DCP1B: variants seen among roughly 807,000 people sequenced by gnomAD.
DCP1B encodes the protein mRNA-decapping enzyme 1B.
DCP1B carries 47 observed loss-of-function variants against 60.5 expected under a neutral mutation model. The ratio of observed to expected loss-of-function variants is 0.78; its 90% confidence interval spans 0.61 to 0.99. DCP1B has a LOEUF of 0.99. DCP1B is among the 50% of genes least tolerant of loss of function. DCP1B has a pLI of 0.00. For synonymous variants in DCP1B, 267 were observed against 280.3 expected (o/e 0.95, Z 0.47); for missense variants, 725 against 756.8 (o/e 0.96, Z 0.49).
chr12:1,986,122 A>G (rs2037694793), intron 3 of DCP1B, among the ~76,000 whole-genome samples: 1 of 152,048 alleles, frequency 6.6e-6, no homozygotes, highest in Non-Finnish European at 1.5e-5. Context: ...CGTCAGTTCT[A>G]TTTTCAAAGG....
At chr12:1,996,127 T>C (rs1165762997) in intron 2 of DCP1B, among the ~76,000 whole-genome samples, 2 of 152,202 alleles carry the variant, frequency 1.3e-5, no homozygotes, top group African/African-American at 4.8e-5. Context: ...CATCATTTCA[T>C]ATCTACCCCA....
chr12:1,997,934 C>A lies in DCP1B; in HGVS notation c.191+1G>T. On this transcript the variant is annotated splice_donor_variant, in intron 2 of 8. Transcript: ENST00000280665. LOFTEE classifies it high-confidence loss of function. ...TCTTTATAAAAGTGAAACACTCTTA[C>A]CTTGTATAAACAAATAAGGTTCCTT... 1 of 1,605,784 alleles carries A rather than the reference C, an allele frequency of 6.2e-7. No homozygotes were observed. Among genetic ancestry groups the A allele is most frequent in the Non-Finnish European group, 8.5e-7 (1 of 1,176,244 alleles).
intron 1 of DCP1B, 103 bp from the exon 2 acceptor site, chr12:1,998,078 G>T: frequency 1.1e-6 from 1 of 943,702 alleles, no homozygotes; most frequent in Non-Finnish European, 1.6e-6. Flanking sequence ...AACTTCAATG[G>T]GCCAAATATA....
At chr12:1,998,978 A>G (rs2041564954) in intron 1 of DCP1B, among the ~76,000 whole-genome samples, 1 of 152,246 alleles carries the variant, frequency 6.6e-6, no homozygotes, top group African/African-American at 2.4e-5. Flanking sequence ...GCAGTTTTTA[A>G]AAGGCACACA....
At chr12:1,956,706 G>A (rs980396620) in intron 5 of DCP1B, among the ~76,000 whole-genome samples, 13 of 152,128 alleles carry the variant, frequency 8.5e-5, no homozygotes, top group African/African-American at 2.9e-4. Flanking sequence ...GGACCAACTG[G>A]CATGGCTTTC....
At chr12:2,002,568 G>GT (rs1174412276) in intron 1 of DCP1B, among the ~76,000 whole-genome samples, 1 of 152,116 alleles carries the variant, frequency 6.6e-6, no homozygotes, top group Non-Finnish European at 1.5e-5. Flanking sequence ...TCTTAAAAAG[G>GT]TATCTATCAC....
At chr12:1,967,216 T>C (rs1257212396) in intron 4 of DCP1B, among the ~76,000 whole-genome samples, 21 of 152,250 alleles carry the variant, frequency 1.4e-4, no homozygotes, top group Admixed American at 1.4e-3. Context: ...AATTTTAAAG[T>C]TGCCCAAAAT....
intron 3 of DCP1B, among the ~76,000 whole-genome samples, chr12:1,981,889 G>T (rs562038398): frequency 2.6e-5 from 4 of 152,264 alleles, no homozygotes; most frequent in Admixed American, 2.6e-4. Context: ...ATATTTAAAA[G>T]CATGCAGGTA....
intron 5 of DCP1B, among the ~76,000 whole-genome samples, chr12:1,959,059 C>A (rs2031021695): frequency 6.7e-6 from 1 of 149,070 alleles, no homozygotes; most frequent in Non-Finnish European, 1.5e-5. Context: ...TGGGCAATGA[C>A]TTTTTCTATA....
At chr12:1,991,122 T>C (rs1242267688) in intron 3 of DCP1B, 2 of 456,120 alleles carry the variant, frequency 4.4e-6, no homozygotes, top group African/African-American at 4.0e-5. Context: ...AAAGGCTACC[T>C]TTAATTTGCA....
intron 3 of DCP1B, among the ~76,000 whole-genome samples, chr12:1,979,107 C>T (rs2035324688): frequency 6.6e-6 from 1 of 151,576 alleles, no homozygotes; most frequent in Admixed American, 6.6e-5. Context: ...CCGCCTCCCG[C>T]GTTCAAGAAA....
At chr12:1,998,989 AG>A (rs1184605660) in intron 1 of DCP1B, among the ~76,000 whole-genome samples, 1 of 152,234 alleles carries the variant, frequency 6.6e-6, no homozygotes, top group East Asian at 1.9e-4. Context: ...AAGGCACACA[AG>A]GCATGATCCT....
intron 6 of DCP1B, among the ~76,000 whole-genome samples, chr12:1,953,623 C>G (rs911744689): frequency 3.3e-5 from 5 of 152,044 alleles, no homozygotes; most frequent in Non-Finnish European, 5.9e-5. Flanking sequence ...ACAATCTGTT[C>G]AATAGGAAGC....
chr12:1,993,051 TATC>T, intron 3 of DCP1B: 1 of 704,528 alleles, frequency 1.4e-6, no homozygotes, highest in Admixed American at 2.2e-5. Flanking sequence ...TTTAGGTTTA[TATC>T]ATCATATTTA....
At chr12:1,991,920 C>T (rs751287530) in intron 3 of DCP1B, 3 of 167,864 alleles carry the variant, frequency 1.8e-5, no homozygotes, top group Non-Finnish European at 3.9e-5. Flanking sequence ...TTACAGGTAA[C>T]TTTGTAGTTA....
At chr12:1,947,343 A>C (rs994661984) in intron 8 of DCP1B, among the ~76,000 whole-genome samples, 8 of 152,174 alleles carry the variant, frequency 5.3e-5, no homozygotes, top group Admixed American at 2.6e-4. Flanking sequence ...CATCATTCTC[A>C]TGCAATGAAG....
chr12:1,958,572 GA>G (rs2030992080), intron 5 of DCP1B, among the ~76,000 whole-genome samples: 1 of 149,498 alleles, frequency 6.7e-6, no homozygotes, highest in Admixed American at 6.6e-5. Flanking sequence ...GAAGACAGGG[GA>G]AAAGCTCCCT....
chr12:1,949,193 C>A lies in DCP1B; in HGVS notation c.1666G>T (p.Ala556Ser), dbSNP rs1319901939. The change falls in exon 8 of 9, where the codon GCT becomes TCT. Residue 556 changes from alanine to serine, a missense_variant. Ala to Ser is a moderately conservative substitution (Grantham distance 99). Coordinates refer to ENST00000280665, the MANE Select transcript of DCP1B (RefSeq NM_152640.5). ...ATGGGCAGGAGGAGGCTGGTGGCAG[C>A]AGCAGGTGGCTCCTGGCCTCCCACA... is the stretch of plus-strand genomic sequence containing the variant. ...LPVGGQEPPA[A>S]ATSLLLPIQS... The A allele has an allele frequency of 6.2e-7, 1 of 1,614,174 alleles. No homozygotes were observed. The highest frequency in any genetic ancestry group is 1.7e-5 in the Admixed American group (1 of 60,020).
At chr12:1,956,653 G>T (rs777970567) in intron 5 of DCP1B, among the ~76,000 whole-genome samples, 13 of 152,142 alleles carry the variant, frequency 8.5e-5, no homozygotes, top group Non-Finnish European at 1.6e-4. Context: ...GTCATAAAGT[G>T]TTACTTCCAA....
Sources: allele counts gnomAD v4.1 joint callset (sites outside exome capture counted in the v4.1 genomes callset), GRCh38; gene constraint gnomAD v4.1.1; transcripts MANE v1.5; gene names NCBI Gene and HGNC (gene_info 2026-07-23, HGNC 2026-07-21).